The following APBA2 variants were observed in gnomAD, a reference collection of about 807,000 sequenced individuals.
APBA2 encodes the protein amyloid beta precursor protein binding family A member 2, also known as amyloid-beta A4 precursor protein-binding family A member 2.
APBA2 carries 30 observed loss-of-function variants against 75.0 expected under a neutral mutation model. The observed-to-expected ratio is 0.40, with a 90% CI of 0.30 to 0.54. The LOEUF (loss-of-function observed/expected upper bound fraction) is 0.54. Ranked by LOEUF, APBA2 falls within the 20% of genes least tolerant of loss-of-function variation. The pLI, the probability that APBA2 is intolerant of heterozygous loss-of-function variation, is 0.49. For synonymous variants in APBA2, 444 were observed against 409.6 expected, an observed-to-expected ratio of 1.08 and a Z score of -1.01; for missense variants, 801 against 1,016.1, an observed-to-expected ratio of 0.79 and a Z score of 2.88.
intron 2 of APBA2, among the ~76,000 whole-genome samples, chr15:28,951,222 G>A (rs963971438): frequency 6.6e-6 from 1 of 152,158 alleles, no homozygotes; most frequent in Non-Finnish European, 1.5e-5. Context: ...ATTGAAGAAT[G>A]TGCATAGGTT....
At chr15:28,897,184 C>G (rs2032545539) in intron 1 of APBA2, among the ~76,000 whole-genome samples, 1 of 83,156 alleles carries the variant, frequency 1.2e-5, no homozygotes, top group Non-Finnish European at 2.4e-5. Context: ...AAAGACACGA[C>G]ACACACACAC....
chr15:28,922,890 C>T (rs1421696539), intron 2 of APBA2, among the ~76,000 whole-genome samples: 2 of 152,218 alleles, frequency 1.3e-5, no homozygotes, highest in Non-Finnish European at 2.9e-5. Flanking sequence ...GAGGAAGCCA[C>T]GGTCACTCCC....
At chr15:29,047,652 G>T (rs554886881) in intron 3 of APBA2, among the ~76,000 whole-genome samples, 194 of 152,276 alleles carry the variant, frequency 1.3e-3, no homozygotes, top group African/African-American at 4.4e-3. Flanking sequence ...GCCTGTTAGT[G>T]CCATTGTTAA....
At chr15:29,055,318 G>A (rs867807733) in intron 4 of APBA2, among the ~76,000 whole-genome samples, 1 of 152,196 alleles carries the variant, frequency 6.6e-6, no homozygotes, top group Admixed American at 6.5e-5. Context: ...CAATGGACGG[G>A]TCTCTGAAAG....
At chr15:28,940,467 CGG>C (rs2035147993) in intron 2 of APBA2, among the ~76,000 whole-genome samples, 1 of 117,052 alleles carries the variant, frequency 8.5e-6, no homozygotes, top group South Asian at 3.2e-4. Context: ...GGCGTGAACC[CGG>C]GTGAACCCGG....
intron 2 of APBA2, among the ~76,000 whole-genome samples, chr15:28,969,497 A>C (rs2152749773): frequency 6.6e-6 from 1 of 152,262 alleles, no homozygotes; most frequent in East Asian, 1.9e-4. Flanking sequence ...TTCATTTCAA[A>C]TAAAAAGGAG....
At chr15:29,068,708 A>G (rs1286039397) in intron 4 of APBA2, among the ~76,000 whole-genome samples, 5 of 152,060 alleles carry the variant, frequency 3.3e-5, no homozygotes, top group African/African-American at 1.2e-4. Flanking sequence ...ACCATCTCCC[A>G]CTTTGCCTGG....
chr15:29,000,387 T>G (rs1210413953), intron 3 of APBA2, among the ~76,000 whole-genome samples: 7 of 152,176 alleles, frequency 4.6e-5, no homozygotes. Context: ...TTTTCTATAC[T>G]TCTATGTATT....
intron 3 of APBA2, among the ~76,000 whole-genome samples, chr15:29,051,894 G>A (rs192443082): frequency 6.6e-6 from 1 of 152,168 alleles, no homozygotes; most frequent in East Asian, 1.9e-4. Flanking sequence ...CTTTGCTTCT[G>A]CCACCTAAGG....
intron 14 of APBA2, among the ~76,000 whole-genome samples, chr15:29,115,907 G>A (rs1057378094): frequency 6.6e-6 from 1 of 152,178 alleles, no homozygotes; most frequent in African/African-American, 2.4e-5. Context: ...GCAGATGCAC[G>A]GCGGCTGCAC....
At chr15:29,044,509 G>C (rs1260684910) in intron 3 of APBA2, 1 of 152,072 alleles carries the variant, frequency 6.6e-6, no homozygotes, top group Non-Finnish European at 1.5e-5. Context: ...TGATTGACTA[G>C]AAGCAAAGGA....
intron 6 of APBA2, among the ~76,000 whole-genome samples, chr15:29,077,415 G>C (rs1185543043): frequency 1.3e-5 from 2 of 152,224 alleles, no homozygotes; most frequent in Non-Finnish European, 2.9e-5. Flanking sequence ...AAGCTCACTT[G>C]TCAGTGTATC....
At chr15:29,094,070 C>T (rs1367817204) in intron 7 of APBA2, among the ~76,000 whole-genome samples, 1 of 152,218 alleles carries the variant, frequency 6.6e-6, no homozygotes. Context: ...GGTTGGCAGT[C>T]ATTTCTAGCG....
chr15:29,045,767 C>G (rs1456396329), intron 3 of APBA2, among the ~76,000 whole-genome samples: 5 of 152,156 alleles, frequency 3.3e-5, no homozygotes. Flanking sequence ...GAGTGGGCAT[C>G]CATTCCTCTC....
intron 2 of APBA2, among the ~76,000 whole-genome samples, chr15:28,953,468 T>G (rs987804313): frequency 6.6e-6 from 1 of 152,140 alleles, no homozygotes; most frequent in Non-Finnish European, 1.5e-5. Context: ...GTAGAACTTC[T>G]GGAAAGAGTT....
At chr15:28,917,454 C>T (rs1168403255) in intron 1 of APBA2, among the ~76,000 whole-genome samples, 1 of 152,160 alleles carries the variant, frequency 6.6e-6, no homozygotes, top group Admixed American at 6.5e-5. Context: ...ATCCCATTCT[C>T]ACATTTAGCC....
At position 29,054,403 on chromosome 15, in the gene APBA2, C is replaced by T. The variant is rs16955009; in HGVS notation, c.519C>T (p.Ser173=). The T allele has an allele frequency of 1.6e-3, 2,536 of 1,614,100 alleles. 39 individuals are homozygous for T. The African/African-American group carries it at 0.031, about 19-fold the overall frequency. ...GQLPIPEDEP[S]VLEAHDQEED... ...TGCCCATTCCGGAGGATGAGCCCTC[C>T]GTCCTTGAGGCCCATGACCAGGAAG... is the stretch of plus-strand genomic sequence containing the variant. Residue 173 remains serine (S), a synonymous_variant, in exon 4 of 15, where the codon TCC becomes TCT. Coordinates refer to ENST00000683413, the MANE Select transcript of APBA2 (RefSeq NM_001353788.2). This position sits in a 1 kb window ranked among gnomAD's most constrained non-coding sequence, Gnocchi z 6.1.
At chr15:29,056,221 T>C (rs892835705) in intron 4 of APBA2, among the ~76,000 whole-genome samples, 2 of 152,156 alleles carry the variant, frequency 1.3e-5, no homozygotes, top group Non-Finnish European at 2.9e-5. Context: ...GCTAACCAGA[T>C]GGTAATTTGG....
intron 6 of APBA2, among the ~76,000 whole-genome samples, chr15:29,085,477 A>AT (rs994094061): frequency 1.3e-4 from 19 of 147,740 alleles, no homozygotes; most frequent in Admixed American, 2.8e-4. Flanking sequence ...GTGAGCCGAG[A>AT]TTGCACCACT....
Sources: gnomAD v4.1 joint callset for allele counts (sites outside exome capture counted in the v4.1 genomes callset) on GRCh38, gnomAD v4.1.1 for gene constraint, Gnocchi (gnomAD v3.1) non-coding constraint, MANE v1.5 for transcripts, NCBI Gene and HGNC (gene_info 2026-07-23, HGNC 2026-07-21) for gene names.